Variants in MFF observed in about 807,000 individuals in gnomAD.
MFF encodes chromosome 2 open reading frame 33.
MFF carries 12 observed loss-of-function variants against 36.9 expected under a neutral mutation model. That is an observed-to-expected ratio of 0.33 (90% CI 0.21 to 0.53). MFF has a LOEUF of 0.53. Among genes scored for constraint, MFF ranks in the 20% least tolerant of loss-of-function variants. The pLI is 0.95. For missense variants in MFF, 348 were observed against 366.6 expected (o/e 0.95, Z 0.42); for synonymous variants, 99 against 126.2 (o/e 0.78, Z 1.44).
chr2:227,329,777 T>A, intron 2 of MFF: 1 of 1,581,082 alleles, frequency 6.3e-7, no homozygotes, highest in African/African-American at 1.3e-5. Flanking sequence ...GACACATCAC[T>A]AGGAAGGTCA....
chr2:227,357,425 C>T lies in MFF; in HGVS notation c.*308C>T, dbSNP rs188416763. On this transcript the variant is annotated 3_prime_UTR_variant, in exon 9 of 9. Coordinates refer to ENST00000304593, the MANE Select transcript of MFF (RefSeq NM_001277062.2). Reference sequence around the variant, plus strand: ...TTTATTTTTTGCCTCATCAGTCCACCCAACTGATTCTGAATGGGAGAGAGT... The same window carrying T: ...TTTATTTTTTGCCTCATCAGTCCACTCAACTGATTCTGAATGGGAGAGAGT... 2.8e-3 allele frequency: 595 copies of T among 209,314 alleles called. 1 individual carries two copies. Among genetic ancestry groups the T allele is most frequent in the African/African-American group, 0.013 (572 of 44,866 alleles). The allele number at this position is 209,314 out of a possible 1,614,324, so 13.0% of individuals were successfully genotyped here.
rs2074679470 is a variant in MFF, at chr2:227,332,568, A to G, written c.331A>G (p.Thr111Ala). 1.2e-6 allele frequency: 2 copies of G among 1,610,570 alleles called. No homozygotes were observed. Among genetic ancestry groups the G allele is most frequent in the Non-Finnish European group, 8.5e-7 (1 of 1,178,428 alleles). ...TTTTCTGGATTTAGAAAGACCTCCT[A>G]CAACCCCTCAAAATGAAGAAGTAAG... ...LDFLDLERPP[T>A]TPQNEEIRAV... is the part of the protein sequence containing the mutation. The change falls in exon 4 of 9, where the codon ACA becomes GCA. Residue 111 changes from threonine to alanine, a missense_variant. Physicochemically the swap from Thr to Ala is moderately conservative, Grantham distance 58. Transcript: ENST00000304593.
At chr2:227,352,102 G>A (rs7604073) in intron 6 of MFF, 152,552 of 158,958 alleles carry the variant, frequency 0.96, 73,430 homozygotes, top group East Asian at 1. Context: ...ATGAGCAACT[G>A]TGGTCATACC....
rs766707640 is a variant in MFF at position 227,330,766 on chromosome 2, C to T, written c.101C>T (p.Ala34Val). 1.2e-6 allele frequency: 2 copies of T among 1,614,220 alleles called. No individual in the cohort carries two copies. Among genetic ancestry groups the T allele is most frequent in the Admixed American group, 3.3e-5 (2 of 60,032 alleles). ...AAGTTAAAAGTAGCACCGCCAAACGCTGACCTGGAACAAGGATTCCAAGAA... is the reference window on the plus strand; with the variant it reads ...AAGTTAAAAGTAGCACCGCCAAACGTTGACCTGGAACAAGGATTCCAAGAA... ...PEKLKVAPPN[A>V]DLEQGFQEGV... The change falls in exon 3 of 9, where the codon GCT becomes GTT. Residue 34 changes from alanine to valine, a missense_variant. Physicochemically the swap from Ala to Val is moderately conservative, Grantham distance 64 (BLOSUM62 0). Coordinates refer to ENST00000304593, the MANE Select transcript of MFF (RefSeq NM_001277062.2).
chr2:227,342,032 A>C (rs956935956), intron 5 of MFF, among the ~76,000 whole-genome samples: 1 of 152,148 alleles, frequency 6.6e-6, no homozygotes, highest in African/African-American at 2.4e-5. Context: ...ACTCAATAAC[A>C]TAAGTTCCTC....
At chr2:227,347,160 A>T in intron 5 of MFF, 66 bp from the exon 6 acceptor site, 1 of 1,432,510 alleles carries the variant, frequency 7.0e-7, no homozygotes, top group Non-Finnish European at 9.8e-7. Flanking sequence ...AAGACTGCTC[A>T]GCTGAAGTTT....
At chr2:227,339,592 A>T (rs1214774269) in intron 4 of MFF, among the ~76,000 whole-genome samples, 1 of 152,196 alleles carries the variant, frequency 6.6e-6, no homozygotes, top group African/African-American at 2.4e-5. Context: ...TCATGGTGCC[A>T]TTCTTCCAAA....
chr2:227,328,777 T>C lies in MFF; in HGVS notation c.-53T>C, dbSNP rs1300853545. 5.1e-6 allele frequency: 1 copy of C among 195,960 alleles called. No individual in the cohort carries two copies. Among genetic ancestry groups the C allele is most frequent in the African/African-American group, 2.2e-5 (1 of 45,318 alleles). The allele number at this position is 195,960 out of a possible 1,614,324, so 12.1% of individuals were successfully genotyped here. On this transcript the variant is annotated 5_prime_UTR_variant, in exon 2 of 9. Transcript: ENST00000304593. ...GATAGTGCCAAATAGCAAGCAGTAG[T>C]TGTTACACATTTGTGAGTAAAAATG...
intron 3 of MFF, among the ~76,000 whole-genome samples, chr2:227,332,003 G>C (rs560700860): frequency 1.9e-5 from 2 of 106,472 alleles, no homozygotes; most frequent in South Asian, 6.6e-4. Context: ...ACGGAGTCTC[G>C]CTCTGTCGCC....
chr2:227,347,284 G>A lies in MFF; in HGVS notation c.499G>A (p.Gly167Arg), dbSNP rs762872336. 1 of 1,613,694 alleles carries A rather than the reference G, an allele frequency of 6.2e-7. No homozygotes were observed. Among genetic ancestry groups the A allele is most frequent in the Non-Finnish European group, 8.5e-7 (1 of 1,179,732 alleles). Residue 167 changes from glycine (G) to arginine (R), a missense_variant, in exon 6 of 9, where the codon GGA (glycine) becomes AGA (arginine). Gly to Arg is a moderately radical substitution (Grantham distance 125, BLOSUM62 -2). Coordinates refer to ENST00000304593, the MANE Select transcript of MFF (RefSeq NM_001277062.2). ...TCCTCCCCATATGTTACCTGAAGAT[G>A]GAGCTAATCTTTCCTCTGCTCGTGG... Reference protein sequence around the residue: ...VCPPHMLPEDGANLSSARGIL... With the variant: ...VCPPHMLPEDRANLSSARGIL...
At chr2:227,355,605 G>A in intron 7 of MFF, 72 bp from the exon 8 acceptor site, 1 of 795,320 alleles carries the variant, frequency 1.3e-6, no homozygotes, top group Non-Finnish European at 2.1e-6. Flanking sequence ...ATTACACAAA[G>A]CATGATGTGG....
chr2:227,351,904 C>T (rs985408037), intron 6 of MFF: 11 of 152,372 alleles, frequency 7.2e-5, no homozygotes, highest in African/African-American at 2.6e-4. Flanking sequence ...TAGCACGTCT[C>T]CTGATCTCAG....
chr2:227,335,960 A>G (rs1301238153), intron 4 of MFF, among the ~76,000 whole-genome samples: 1 of 152,218 alleles, frequency 6.6e-6, no homozygotes, highest in Non-Finnish European at 1.5e-5. Context: ...CTGGGCATGA[A>G]ATACAAAATG....
rs1215835276 is a variant in MFF at position 227,325,356 on chromosome 2, AGAGCGCCCACTC to A, written c.-215_-204del. ...CCGTGCTCTCAGCCAACCACCTCTG[AGAGCGCCCACTC>A]GAGCGCCCCGGGAGCCAGAGGGCGG... On this transcript the variant is annotated 5_prime_UTR_variant, in exon 1 of 9. Coordinates refer to ENST00000304593, the MANE Select transcript of MFF (RefSeq NM_001277062.2). 1 of 157,114 alleles carries A rather than the reference AGAGCGCCCACTC, an allele frequency of 6.4e-6. No homozygotes were observed. The highest frequency in any genetic ancestry group is 1.9e-4 in the East Asian group (1 of 5,188). The allele number at this position is 157,114 out of a possible 1,614,324, so 9.7% of individuals were successfully genotyped here.
intron 6 of MFF, among the ~76,000 whole-genome samples, chr2:227,350,060 T>G (rs2075911529): frequency 6.6e-6 from 1 of 152,142 alleles, no homozygotes; most frequent in Admixed American, 6.5e-5. Flanking sequence ...GTCAAAAGGT[T>G]TGTGTACCAT....
At chr2:227,338,354 A>C (rs2075156948) in intron 4 of MFF, among the ~76,000 whole-genome samples, 1 of 30,848 alleles carries the variant, frequency 3.2e-5, no homozygotes, top group Admixed American at 4.6e-4. Flanking sequence ...GGGGGAACAG[A>C]GTGACACTCT....
chr2:227,341,716 T>C (rs532539719), intron 5 of MFF, among the ~76,000 whole-genome samples: 9 of 152,142 alleles, frequency 5.9e-5, no homozygotes, highest in Non-Finnish European at 1.3e-4. Flanking sequence ...TTAGAGTGAT[T>C]AAACATACAC....
intron 2 of MFF, 75 bp from the exon 3 acceptor site, chr2:227,330,551 T>C (rs974311619): frequency 2.9e-6 from 3 of 1,029,562 alleles, no homozygotes; most frequent in Non-Finnish European, 4.4e-6. Context: ...TATAAGGTAT[T>C]GTCTTCTAAC....
In MFF at chr2:227,357,424, CCCA is replaced by C; in HGVS notation, c.*308_*310del. The C allele has an allele frequency of 4.7e-6, 1 of 211,564 alleles. No homozygotes were observed. The highest frequency in any genetic ancestry group is 9.6e-6 in the Non-Finnish European group (1 of 104,242). The allele number at this position is 211,564 out of a possible 1,614,324, so 13.1% of individuals were successfully genotyped here. A position where few individuals can be genotyped will look rare whatever the true frequency, so the allele number is the denominator to read the frequency against. ...ATTTATTTTTTGCCTCATCAGTCCA[CCCA>C]ACTGATTCTGAATGGGAGAGAGTCT... On this transcript the variant is annotated 3_prime_UTR_variant, in exon 9 of 9. Coordinates refer to ENST00000304593, the MANE Select transcript of MFF (RefSeq NM_001277062.2).
Sources: gnomAD v4.1 joint callset for allele counts (sites outside exome capture counted in the v4.1 genomes callset) on GRCh38, gnomAD v4.1.1 for gene constraint, MANE v1.5 for transcripts, NCBI Gene and HGNC (gene_info 2026-07-23, HGNC 2026-07-21) for gene names.